ZNF644: variants seen among roughly 807,000 people sequenced by gnomAD.
ZNF644 encodes zinc finger motif enhancer binding protein 2.
In ZNF644, 20 loss-of-function variants were observed where a neutral mutation model predicts 108.0. The observed-to-expected ratio is 0.19, with a 90% CI of 0.13 to 0.27. The LOEUF (loss-of-function observed/expected upper bound fraction) is 0.27. ZNF644 is among the 10% of genes least tolerant of loss of function. The probability of loss-of-function intolerance (pLI) is 1.00; values close to 1 mark genes in which losing one functional copy is unlikely to be tolerated. For synonymous variants in ZNF644, 542 were observed against 539.1 expected (o/e 1.01, Z -0.08); for missense variants, 1,338 against 1,548.9 (o/e 0.86, Z 2.29).
At chr1:90,994,179 A>G (rs1179745270) in intron 1 of ZNF644, among the ~76,000 whole-genome samples, 2 of 152,260 alleles carry the variant, frequency 1.3e-5, no homozygotes, top group African/African-American at 4.8e-5. Flanking sequence ...AGGTTAGAGC[A>G]GCCAGTGGCT....
intron 1 of ZNF644, among the ~76,000 whole-genome samples, chr1:90,994,197 C>T (rs992166467): frequency 1.3e-5 from 2 of 152,136 alleles, no homozygotes; most frequent in African/African-American, 4.8e-5. Context: ...GCTATCTTTG[C>T]CACACTTCAT....
intron 2 of ZNF644, among the ~76,000 whole-genome samples, chr1:90,960,775 A>G (rs1483721968): frequency 6.6e-6 from 1 of 152,166 alleles, no homozygotes; most frequent in African/African-American, 2.4e-5. Flanking sequence ...CAAGTAAAAA[A>G]TGTGCTCAAC....
chr1:90,944,374 C>T (rs575000207), intron 2 of ZNF644, among the ~76,000 whole-genome samples: 2 of 151,974 alleles, frequency 1.3e-5, no homozygotes, highest in South Asian at 2.1e-4. Context: ...AATATATGTG[C>T]ATAACAGATA....
At chr1:90,956,378 G>A (rs1200672405) in intron 2 of ZNF644, among the ~76,000 whole-genome samples, 1 of 152,132 alleles carries the variant, frequency 6.6e-6, no homozygotes, top group Non-Finnish European at 1.5e-5. Context: ...CACAATATAC[G>A]AAAAGCACAA....
chr1:90,926,448 C>G (rs966385080), intron 4 of ZNF644, among the ~76,000 whole-genome samples: 3 of 152,140 alleles, frequency 2.0e-5, no homozygotes, highest in African/African-American at 7.2e-5. Context: ...TGCTTTTGGT[C>G]TCTGTCTGAG....
At chr1:90,931,734 C>T (rs1650752056) in intron 4 of ZNF644, among the ~76,000 whole-genome samples, 1 of 152,008 alleles carries the variant, frequency 6.6e-6, no homozygotes, top group Non-Finnish European at 1.5e-5. Context: ...CCATCGGTTC[C>T]TTTTACAAAT....
chr1:90,986,378 A>G (rs1342197880), intron 1 of ZNF644, among the ~76,000 whole-genome samples: 1 of 152,052 alleles, frequency 6.6e-6, no homozygotes, highest in East Asian at 1.9e-4. Context: ...TCAGAAACTT[A>G]GGAAGAAACG....
chr1:90,992,275 AAT>A (rs961816729), intron 1 of ZNF644, among the ~76,000 whole-genome samples: 3 of 152,164 alleles, frequency 2.0e-5, no homozygotes, highest in South Asian at 2.1e-4. Context: ...GTGATTTTTT[AAT>A]ATGTCAATTA....
At chr1:90,993,595 G>A (rs763838439) in intron 1 of ZNF644, among the ~76,000 whole-genome samples, 4 of 152,162 alleles carry the variant, frequency 2.6e-5, no homozygotes, top group African/African-American at 4.8e-5. Context: ...AGCCCTAGGA[G>A]TTATTTTATA....
intron 2 of ZNF644, among the ~76,000 whole-genome samples, chr1:90,968,973 T>C (rs1358537887): frequency 6.6e-6 from 1 of 152,184 alleles, no homozygotes; most frequent in Non-Finnish European, 1.5e-5. Flanking sequence ...ATTACAAAAA[T>C]CAAAGTCATC....
intron 1 of ZNF644, among the ~76,000 whole-genome samples, chr1:90,997,495 T>C (rs1350856745): frequency 6.6e-6 from 1 of 151,792 alleles, no homozygotes; most frequent in Non-Finnish European, 1.5e-5. Context: ...GAGAATCTGA[T>C]TATCAGAGTT....
chr1:90,960,898 A>G lies in ZNF644; in HGVS notation c.45-19589T>C, dbSNP rs148815198. Among the ~76,000 whole-genome samples the G allele has an allele frequency of 2.6e-5, 4 of 152,262 alleles. No homozygotes were observed. In the East Asian group the frequency reaches 7.7e-4, roughly 29 times the overall value. ...GGAGTAACATCCTCATTAAAAGAAA[A>G]TAACTGCCAACTCAGAATCCTAAAC... is the stretch of plus-strand genomic sequence containing the variant. On this transcript the variant is annotated intron_variant, in intron 2 of 5. Coordinates refer to ENST00000337393, the MANE Select transcript of ZNF644 (RefSeq NM_201269.3).
intron 1 of ZNF644, among the ~76,000 whole-genome samples, chr1:90,992,094 T>C (rs1317457585): frequency 2.0e-5 from 3 of 152,136 alleles, no homozygotes. Flanking sequence ...TTCCAGAATA[T>C]GCATAGCACC....
At chr1:91,016,428 T>C (rs565234631) in intron 1 of ZNF644, among the ~76,000 whole-genome samples, 1 of 152,342 alleles carries the variant, frequency 6.6e-6, no homozygotes, top group Non-Finnish European at 1.5e-5. Context: ...CTATTGTTCC[T>C]AGGCTACAAC....
At chr1:90,935,475 A>G (rs1651216534) in intron 4 of ZNF644, 1 of 985,752 alleles carries the variant, frequency 1.0e-6, no homozygotes, top group African/African-American at 1.7e-5. Context: ...ACAGGCTAAC[A>G]GCACTTGTAA....
chr1:90,916,716 CAG>C lies in ZNF644; in HGVS notation c.*80_*81del. 2 of 1,487,362 alleles carry C rather than the reference CAG, an allele frequency of 1.3e-6. No individual in the cohort carries two copies. The highest frequency in any genetic ancestry group is 2.3e-5 in the South Asian group (2 of 85,824). The allele number at this position is 1,487,362 out of a possible 1,614,324, so 92.1% of individuals were successfully genotyped here. On this transcript the variant is annotated 3_prime_UTR_variant, in exon 6 of 6. Coordinates refer to ENST00000337393, the MANE Select transcript of ZNF644 (RefSeq NM_201269.3). ...ATTTTCCTGCTTTAGTATTTATAAA[CAG>C]ATAATTTAATGTGGCTTAAAAAAAA...
intron 1 of ZNF644, among the ~76,000 whole-genome samples, chr1:91,019,066 T>C (rs1359201657): frequency 6.6e-6 from 1 of 152,164 alleles, no homozygotes; most frequent in Non-Finnish European, 1.5e-5. Context: ...ATATGACCCA[T>C]AAAAACTTTT....
chr1:90,994,218 T>C (rs1657908466), intron 1 of ZNF644, among the ~76,000 whole-genome samples: 1 of 152,166 alleles, frequency 6.6e-6, no homozygotes, highest in South Asian at 2.1e-4. Flanking sequence ...GGAGAGAACA[T>C]GTTCAGGGAT....
chr1:90,950,186 C>T (rs1345465920), intron 2 of ZNF644, among the ~76,000 whole-genome samples: 1 of 146,896 alleles, frequency 6.8e-6, no homozygotes, highest in East Asian at 2.1e-4. Flanking sequence ...GCTGAGGCAG[C>T]AGCATTGCTT....
Sources: allele counts gnomAD v4.1 joint callset (sites outside exome capture counted in the v4.1 genomes callset), GRCh38; gene constraint gnomAD v4.1.1; transcripts MANE v1.5; gene names NCBI Gene and HGNC (gene_info 2026-07-23, HGNC 2026-07-21).